The following DISC1 variants were observed in gnomAD, a reference collection of about 807,000 sequenced individuals.
The protein encoded by DISC1 is disrupted in schizophrenia 1 protein.
A neutral mutation model predicts 84.5 loss-of-function variants in DISC1; 57 were observed. That is an observed-to-expected ratio of 0.67 (90% CI 0.55 to 0.84). The LOEUF is 0.84. Among genes scored for constraint, DISC1 ranks in the 40% least tolerant of loss-of-function variants. The pLI is 0.00. For missense variants in DISC1, 1,000 were observed against 1,057.8 expected (o/e 0.95, Z 0.76); for synonymous variants, 411 against 415.2 (o/e 0.99, Z 0.12).
At chr1:231,969,594 C>CT (rs1242596568) in intron 10 of DISC1, among the ~76,000 whole-genome samples, 1,374 of 78,888 alleles carry the variant, frequency 0.017, 12 homozygotes, top group Middle Eastern at 0.029. Flanking sequence ...TTCTTTCTTT[C>CT]TTTCTTTTTT....
chr1:231,721,135 A>G, intron 3 of DISC1: 1 of 1,271,836 alleles, frequency 7.9e-7, no homozygotes, highest in Non-Finnish European at 1.0e-6. Context: ...CATTAGCTCT[A>G]CCTACCTTGC....
intron 11 of DISC1, among the ~76,000 whole-genome samples, chr1:232,014,297 C>T (rs1189417556): frequency 6.6e-6 from 1 of 152,150 alleles, no homozygotes; most frequent in East Asian, 1.9e-4. Flanking sequence ...GGAGCACATC[C>T]CTAAATGTGT....
chr1:231,710,201 G>A (rs1279416326), intron 3 of DISC1, among the ~76,000 whole-genome samples: 4 of 152,136 alleles, frequency 2.6e-5, no homozygotes, highest in African/African-American at 9.7e-5. Flanking sequence ...AATTAGCCAA[G>A]CACAATGTCA....
In DISC1 at chr1:231,743,177, T is replaced by G. The variant is rs142569553; in HGVS notation, c.1118-6749T>G. Among the ~76,000 whole-genome samples, 499 of 152,312 alleles carry G rather than the reference T, an allele frequency of 3.3e-3. 5 individuals carry two copies. Among genetic ancestry groups the G allele is most frequent in the African/African-American group, 0.012 (480 of 41,564 alleles). On this transcript the variant is annotated intron_variant, in intron 3 of 12. Coordinates refer to ENST00000439617, the MANE Select transcript of DISC1 (RefSeq NM_018662.3). ...GGCTAGACTGGGTTTTTAATTTTTTTTGGAATTTGAAGACAGTGCTTAATG... is the reference window on the plus strand; with the variant it reads ...GGCTAGACTGGGTTTTTAATTTTTTGTGGAATTTGAAGACAGTGCTTAATG...
chr1:231,985,137 A>G (rs1300353508), intron 10 of DISC1, among the ~76,000 whole-genome samples: 4 of 152,120 alleles, frequency 2.6e-5, no homozygotes, highest in African/African-American at 9.7e-5. Context: ...CCTGGCCAAC[A>G]TGGTGAAACC....
rs1391344154 is a variant in DISC1, at chr1:231,866,479, G to A, written c.1981+47962G>A. ...GCTAACACTTATTACAAGGCTCCAG[G>A]CACTTTCGAAGTCCTTAATATTTAA... On this transcript the variant is annotated intron_variant, in intron 9 of 12. Coordinates refer to ENST00000439617, the MANE Select transcript of DISC1 (RefSeq NM_018662.3). The A allele has an allele frequency of 1.0e-5, 8 of 780,180 alleles. No homozygotes were observed. The Admixed American group carries it at 1.2e-4, about 12-fold the overall frequency. 48.3% of individuals were successfully genotyped at this position (780,180 alleles called of 1,614,324 possible).
intron 9 of DISC1, among the ~76,000 whole-genome samples, chr1:231,895,410 C>T (rs908755411): frequency 6.7e-6 from 1 of 149,974 alleles, no homozygotes; most frequent in Non-Finnish European, 1.5e-5. Context: ...TATGTATCTC[C>T]CTCATATATA....
intron 3 of DISC1, among the ~76,000 whole-genome samples, chr1:231,703,138 G>A (rs2066615181): frequency 6.6e-6 from 1 of 152,238 alleles, no homozygotes; most frequent in Non-Finnish European, 1.5e-5. Context: ...GCTGTTGCAT[G>A]TTCTCATTAC....
chr1:231,678,973 G>A (rs910299509), intron 1 of DISC1, among the ~76,000 whole-genome samples: 3 of 152,250 alleles, frequency 2.0e-5, no homozygotes, highest in Admixed American at 2.0e-4. Context: ...ACCGCGCCCG[G>A]CCACGTTGCT....
intron 9 of DISC1, among the ~76,000 whole-genome samples, chr1:231,822,456 G>A (rs749842548): frequency 3.3e-5 from 5 of 152,188 alleles, no homozygotes; most frequent in Non-Finnish European, 7.3e-5. Context: ...AGGGGAATGG[G>A]AGGCAGAGAA....
chr1:232,019,964 G>A (rs919824250), intron 11 of DISC1, among the ~76,000 whole-genome samples: 2 of 152,126 alleles, frequency 1.3e-5, no homozygotes, highest in Admixed American at 1.3e-4. Context: ...AGAGTTCTGA[G>A]AGTAGAAGGG....
At chr1:231,778,782 C>T (rs1327651582) in intron 6 of DISC1, among the ~76,000 whole-genome samples, 1 of 152,110 alleles carries the variant, frequency 6.6e-6, no homozygotes, top group Admixed American at 6.5e-5. Flanking sequence ...AAACAGGACC[C>T]CCATTTCCAG....
intron 8 of DISC1, among the ~76,000 whole-genome samples, chr1:231,801,453 A>G (rs911836933): frequency 6.6e-6 from 1 of 152,254 alleles, no homozygotes; most frequent in African/African-American, 2.4e-5. Context: ...ATCTCTCTTC[A>G]GACTCCAGGG....
intron 3 of DISC1, among the ~76,000 whole-genome samples, chr1:231,740,711 G>GAT (rs1201016513): frequency 4.6e-5 from 7 of 152,156 alleles, no homozygotes; most frequent in Admixed American, 2.0e-4. Context: ...ATATCTTCAG[G>GAT]ATAGGACCCA....
At chr1:231,922,870 A>G (rs1399891556) in intron 9 of DISC1, among the ~76,000 whole-genome samples, 1 of 152,166 alleles carries the variant, frequency 6.6e-6, no homozygotes, top group African/African-American at 2.4e-5. Flanking sequence ...TTCAACCTCT[A>G]AACATCATTG....
At chr1:231,754,167 C>G (rs1197909879) in intron 4 of DISC1, among the ~76,000 whole-genome samples, 1 of 152,160 alleles carries the variant, frequency 6.6e-6, no homozygotes, top group African/African-American at 2.4e-5. Flanking sequence ...AAGCCAGTTC[C>G]ACATTTTCAG....
intron 9 of DISC1, among the ~76,000 whole-genome samples, chr1:231,893,826 G>A (rs1338438418): frequency 6.6e-6 from 1 of 152,206 alleles, no homozygotes; most frequent in Non-Finnish European, 1.5e-5. Context: ...GTACTGAAGA[G>A]AAAGGAGAGA....
chr1:231,818,438 G>A lies in DISC1; in HGVS notation c.1902G>A (p.Arg634=), dbSNP rs1245145841. The A allele has an allele frequency of 1.2e-6, 2 of 1,614,198 alleles. No individual in the cohort carries two copies. Among genetic ancestry groups the A allele is most frequent in the Non-Finnish European group, 1.7e-6 (2 of 1,180,030 alleles). ...GCAAGCTGTTGGTGTTGAGTTCCAG[G>A]AATGTCAAAAAGCTGGGAAGTGTTA... ...LLSKLLVLSS[R]NVKKLGSVKE... The change falls in exon 9 of 13, where the codon AGG becomes AGA. Residue 634 remains arginine, a synonymous_variant. Transcript: ENST00000439617.
At chr1:231,649,554 C>T (rs941883149) in intron 1 of DISC1, among the ~76,000 whole-genome samples, 2 of 152,162 alleles carry the variant, frequency 1.3e-5, no homozygotes, top group Non-Finnish European at 2.9e-5. Context: ...GTGGAGAGTT[C>T]TGTAGATGTC....
Sources: allele counts gnomAD v4.1 joint callset (sites outside exome capture counted in the v4.1 genomes callset), GRCh38; gene constraint gnomAD v4.1.1; transcripts MANE v1.5; gene names NCBI Gene and HGNC (gene_info 2026-07-23, HGNC 2026-07-21).